Variants in ARFGEF1 observed in about 807,000 individuals in gnomAD.
ARFGEF1 encodes the protein ARF guanine nucleotide exchange factor 1.
Under a neutral mutation model 231.0 loss-of-function variants are expected in ARFGEF1, and 42 were observed. That is an observed-to-expected ratio of 0.18 (90% CI 0.14 to 0.24). ARFGEF1 has a LOEUF of 0.24. Ranked by LOEUF, ARFGEF1 falls within the 10% of genes least tolerant of loss-of-function variation. ARFGEF1 has a pLI of 1.00. For missense variants in ARFGEF1, 1,345 were observed against 2,192.0 expected (o/e 0.61, Z 7.72); for synonymous variants, 710 against 732.3 (o/e 0.97, Z 0.49).
chr8:67,178,880 A>G (rs1210217974), intron 5 of ARFGEF1, among the ~76,000 whole-genome samples: 3 of 152,198 alleles, frequency 2.0e-5, no homozygotes. Flanking sequence ...GGAAGCTGCC[A>G]AGGTCTTTAA....
chr8:67,266,810 C>A, intron 13 of ARFGEF1, 66 bp downstream of exon 13: 1 of 1,282,458 alleles, frequency 7.8e-7, no homozygotes, highest in South Asian at 1.4e-5. Flanking sequence ...ACAGCAGCTG[C>A]AACTATCCTC....
chr8:67,232,776 T>G (rs1296524142), intron 23 of ARFGEF1, 79 bp downstream of exon 23: 12 of 1,063,900 alleles, frequency 1.1e-5, no homozygotes, highest in Non-Finnish European at 1.6e-5. Context: ...GGCAATAATA[T>G]TTTTCTTTTT....
intron 7 of ARFGEF1, among the ~76,000 whole-genome samples, chr8:67,287,633 C>T (rs947552169): frequency 6.6e-6 from 1 of 152,262 alleles, no homozygotes; most frequent in South Asian, 2.1e-4. Flanking sequence ...ATCACTTATC[C>T]ATATTTTTGT....
At chr8:67,197,029 C>T (rs1838045051), downstream of ARFGEF1, among the ~76,000 whole-genome samples, 1 of 151,992 alleles carries the variant, frequency 6.6e-6, no homozygotes. Context: ...TGCCATGTAC[C>T]ACACAACTTC....
In ARFGEF1 at chr8:67,240,295, A is replaced by C. The variant is rs1839890270; in HGVS notation, c.2851-5T>G. ...CAGAAAAGGCGTCCAAGCCAACTAC[A>C]AAAATTAAAAATTGTATTTTAATTA... is the stretch of plus-strand genomic sequence containing the variant. On this transcript the variant is annotated splice_region_variant and splice_polypyrimidine_tract_variant and intron_variant, in intron 19 of 38. Coordinates refer to ENST00000262215, the MANE Select transcript of ARFGEF1 (RefSeq NM_006421.5). 1 of 1,585,980 alleles carries C rather than the reference A, an allele frequency of 6.3e-7. No homozygotes were observed. Among genetic ancestry groups the C allele is most frequent in the Admixed American group, 2.0e-5 (1 of 50,972 alleles).
intron 29 of ARFGEF1, among the ~76,000 whole-genome samples, chr8:67,221,691 T>C (rs1839166542): frequency 6.6e-6 from 1 of 152,132 alleles, no homozygotes. Flanking sequence ...GTAGCCTAAG[T>C]TTACAGTGTT....
intron 1 of ARFGEF1, among the ~76,000 whole-genome samples, chr8:67,325,176 G>T (rs906772089): frequency 6.7e-6 from 1 of 150,336 alleles, no homozygotes; most frequent in African/African-American, 2.4e-5. Context: ...GCCTCCCAAA[G>T]TACTGGGATT....
chr8:67,316,277 G>A lies in ARFGEF1; in HGVS notation c.125-13811C>T, dbSNP rs142353650. 4.6e-5 allele frequency among the ~76,000 whole-genome samples: 7 copies of A among 152,238 alleles called. No individual in the cohort carries two copies. In the East Asian group the frequency reaches 1.3e-3, roughly 29 times the overall value. On this transcript the variant is annotated intron_variant, in intron 1 of 38. Transcript: ENST00000262215. Reference sequence around the variant, plus strand: ...AACTATTAAAGACATTGAATTCATAGTTTAAAAACTACCAAAAATGAAATA... The same window carrying A: ...AACTATTAAAGACATTGAATTCATAATTTAAAAACTACCAAAAATGAAATA...
intron 34 of ARFGEF1, among the ~76,000 whole-genome samples, 178 bp downstream of exon 34, chr8:67,211,305 C>G (rs566581517): frequency 1.5e-5 from 2 of 137,876 alleles, no homozygotes; most frequent in Non-Finnish European, 3.0e-5. Context: ...GATGGCGTGC[C>G]ACTGTACTCC....
intron 1 of ARFGEF1, among the ~76,000 whole-genome samples, chr8:67,304,814 G>A (rs1168460473): frequency 6.6e-6 from 1 of 152,232 alleles, no homozygotes; most frequent in Admixed American, 6.5e-5. Flanking sequence ...ATGAGACTCT[G>A]TGTCAAAAAT....
At chr8:67,295,597 A>T (rs1464944951) in intron 5 of ARFGEF1, among the ~76,000 whole-genome samples, 1 of 152,212 alleles carries the variant, frequency 6.6e-6, no homozygotes, top group African/African-American at 2.4e-5. Context: ...CATGAAAAAG[A>T]TAAGGAAAAG....
chr8:67,192,230 A>G (rs1836530301), intron 5 of ARFGEF1, among the ~76,000 whole-genome samples: 1 of 151,842 alleles, frequency 6.6e-6, no homozygotes, highest in South Asian at 2.1e-4. Flanking sequence ...GCATGCCAAC[A>G]CGCCTGGCTA....
intron 10 of ARFGEF1, among the ~76,000 whole-genome samples, chr8:67,268,635 G>A (rs1378941860): frequency 6.6e-6 from 1 of 152,238 alleles, no homozygotes; most frequent in Non-Finnish European, 1.5e-5. Context: ...GTACAGGAAT[G>A]AGGGGGACAG....
At chr8:67,189,235 T>TA (rs755514105) in intron 5 of ARFGEF1, among the ~76,000 whole-genome samples, 5 of 152,172 alleles carry the variant, frequency 3.3e-5, no homozygotes, top group Admixed American at 1.3e-4. Context: ...AGCATATTCT[T>TA]ACCATACAGT....
At chr8:67,271,984 T>C (rs749944960) in intron 9 of ARFGEF1, 48 bp from the exon 10 acceptor site, 5 of 1,187,908 alleles carry the variant, frequency 4.2e-6, no homozygotes, top group Admixed American at 4.7e-5. Context: ...GTTGGCATTA[T>C]AGTAATAACA....
At chr8:67,195,241 A>G, downstream of ARFGEF1, 1 of 708,636 alleles carries the variant, frequency 1.4e-6, no homozygotes. Context: ...AGTCTAACCA[A>G]AACAAACAAA....
chr8:67,329,529 AAAATAAATAAATAAATAAAT>A (rs755348912), intron 1 of ARFGEF1, among the ~76,000 whole-genome samples: 8 of 146,018 alleles, frequency 5.5e-5, no homozygotes, highest in African/African-American at 7.7e-5. Context: ...ACTCCATCTC[AAAATAAATAAATAAATAAAT>A]AAATAAATAA....
intron 5 of ARFGEF1, among the ~76,000 whole-genome samples, chr8:67,176,436 T>A (rs1831653430): frequency 6.6e-6 from 1 of 152,098 alleles, no homozygotes; most frequent in Admixed American, 6.5e-5. Context: ...CAATAAACAT[T>A]TGTATAGGGA....
In ARFGEF1 at chr8:67,329,529, A is replaced by AAAATAAAT. The variant is rs755348912; in HGVS notation, c.124+13627_124+13634dup. On this transcript the variant is annotated intron_variant, in intron 1 of 38. Coordinates refer to ENST00000262215, the MANE Select transcript of ARFGEF1 (RefSeq NM_006421.5). ...GGGCGACAGAGTAAGACTCCATCTC[A>AAAATAAAT]AAATAAATAAATAAATAAATAAATA... 8.4e-3 allele frequency among the ~76,000 whole-genome samples: 1,223 copies of AAAATAAAT among 145,996 alleles called. 12 individuals are homozygous for AAAATAAAT. The highest frequency in any genetic ancestry group is 0.022 in the African/African-American group (875 of 39,074).
Sources: gnomAD v4.1 joint callset for allele counts (sites outside exome capture counted in the v4.1 genomes callset) on GRCh38, gnomAD v4.1.1 for gene constraint, MANE v1.5 for transcripts, NCBI Gene and HGNC (gene_info 2026-07-23, HGNC 2026-07-21) for gene names.